The following GRID2 variants were observed in gnomAD, a reference collection of about 807,000 sequenced individuals.
The protein encoded by GRID2 is glutamate receptor ionotropic, delta-2.
GRID2 carries 33 observed loss-of-function variants against 114.8 expected under a neutral mutation model. The ratio of observed to expected loss-of-function variants is 0.29; its 90% CI spans 0.22 to 0.38. The LOEUF (loss-of-function observed/expected upper bound fraction) is 0.38. GRID2 is among the 10% of genes least tolerant of loss of function. The pLI is 1.00. For missense variants in GRID2, 1,184 were observed against 1,257.7 expected (o/e 0.94, Z 0.89); for synonymous variants, 505 against 449.9 (o/e 1.12, Z -1.55).
intron 4 of GRID2, among the ~76,000 whole-genome samples, chr4:93,189,757 A>C (rs575570713): frequency 9.9e-5 from 14 of 141,230 alleles, no homozygotes; most frequent in East Asian, 2.1e-4. Context: ...CTAAACAACA[A>C]CACCACCACA....
At chr4:93,223,061 TTG>T (rs1745075877) in intron 6 of GRID2, among the ~76,000 whole-genome samples, 1 of 152,156 alleles carries the variant, frequency 6.6e-6, no homozygotes, top group African/African-American at 2.4e-5. Context: ...GTGTATTATT[TTG>T]ATTTCCCTGG....
intron 8 of GRID2, among the ~76,000 whole-genome samples, chr4:93,354,776 A>G (rs994702921): frequency 7.3e-6 from 1 of 137,748 alleles, no homozygotes; most frequent in African/African-American, 2.9e-5. Flanking sequence ...TATATGTAAT[A>G]TTTATATATG....
At chr4:92,623,798 T>C (rs1162467390) in intron 2 of GRID2, among the ~76,000 whole-genome samples, 1 of 151,808 alleles carries the variant, frequency 6.6e-6, no homozygotes, top group African/African-American at 2.4e-5. Flanking sequence ...AGTTTTTACT[T>C]GAATGTATTA....
intron 11 of GRID2, among the ~76,000 whole-genome samples, chr4:93,474,938 C>T (rs1217090987): frequency 6.6e-6 from 1 of 152,056 alleles, no homozygotes; most frequent in Non-Finnish European, 1.5e-5. Flanking sequence ...ATTTTGTTTC[C>T]TGACCTTTGC....
chr4:92,364,982 C>T (rs1038104804), intron 1 of GRID2, among the ~76,000 whole-genome samples: 1 of 151,876 alleles, frequency 6.6e-6, no homozygotes, highest in African/African-American at 2.4e-5. Flanking sequence ...TAGTGGTTTC[C>T]CAGCAAAAAA....
intron 2 of GRID2, among the ~76,000 whole-genome samples, chr4:92,795,792 A>G (rs1044905375): frequency 6.6e-6 from 1 of 151,916 alleles, no homozygotes; most frequent in Non-Finnish European, 1.5e-5. Flanking sequence ...ATTGTCTGGA[A>G]CGGGTTCAAA....
intron 1 of GRID2, among the ~76,000 whole-genome samples, chr4:92,587,860 A>G (rs1257383012): frequency 6.6e-6 from 1 of 152,196 alleles, no homozygotes; most frequent in Non-Finnish European, 1.5e-5. Context: ...TGTATTACCA[A>G]TACAGCAGAA....
chr4:92,768,679 AAGG>A (rs1277586968), intron 2 of GRID2, among the ~76,000 whole-genome samples: 1 of 152,192 alleles, frequency 6.6e-6, no homozygotes, highest in Non-Finnish European at 1.5e-5. Context: ...GTTGGAAAGC[AAGG>A]AGGAGCAACT....
At chr4:92,825,115 T>G (rs1339478064) in intron 2 of GRID2, among the ~76,000 whole-genome samples, 3 of 152,172 alleles carry the variant, frequency 2.0e-5, no homozygotes, top group African/African-American at 7.2e-5. Context: ...TTAGATACTT[T>G]GCAAACAATC....
intron 9 of GRID2, among the ~76,000 whole-genome samples, chr4:93,406,169 T>C (rs1458819536): frequency 1.3e-5 from 2 of 152,132 alleles, no homozygotes; most frequent in Non-Finnish European, 2.9e-5. Flanking sequence ...CTGGCCTAAT[T>C]TCCTGCCACA....
intron 4 of GRID2, among the ~76,000 whole-genome samples, chr4:93,129,448 C>G (rs542937432): frequency 7.8e-4 from 119 of 152,198 alleles, no homozygotes; most frequent in African/African-American, 2.7e-3. Flanking sequence ...TTTCCCCTTT[C>G]CGCAAGGATT....
chr4:93,463,675 A>G (rs1387431502), intron 11 of GRID2, among the ~76,000 whole-genome samples: 1 of 152,186 alleles, frequency 6.6e-6, no homozygotes, highest in Non-Finnish European at 1.5e-5. Context: ...ATATTTTTAA[A>G]TCTAAATTTA....
intron 13 of GRID2, among the ~76,000 whole-genome samples, chr4:93,551,662 T>A (rs1029768248): frequency 6.6e-6 from 1 of 152,234 alleles, no homozygotes; most frequent in African/African-American, 2.4e-5. Flanking sequence ...CTAAAGCCTG[T>A]AACTCTTAAT....
chr4:93,663,422 A>G (rs1311623481), intron 14 of GRID2, among the ~76,000 whole-genome samples: 2 of 152,174 alleles, frequency 1.3e-5, no homozygotes, highest in Non-Finnish European at 2.9e-5. Context: ...AGCCACACCA[A>G]CGGTGCAAAC....
chr4:93,392,501 T>C (rs1186807879), intron 8 of GRID2, among the ~76,000 whole-genome samples: 2 of 152,160 alleles, frequency 1.3e-5, no homozygotes, highest in African/African-American at 4.8e-5. Context: ...TCATTGCTTA[T>C]TATTTTAAAA....
intron 13 of GRID2, among the ~76,000 whole-genome samples, chr4:93,582,629 A>G (rs1296980573): frequency 6.6e-6 from 1 of 152,182 alleles, no homozygotes; most frequent in Non-Finnish European, 1.5e-5. Flanking sequence ...AATAAATATA[A>G]TTTCTGACAC....
At position 93,506,852 on chromosome 4, in the gene GRID2, T is replaced by G. The variant is rs572302833; in HGVS notation, c.1998-8364T>G. On this transcript the variant is annotated intron_variant, in intron 12 of 15. Transcript: ENST00000282020. The stretch of plus-strand genomic sequence containing the variant: ...AGCTTGCTCTTCCAAAGGCTTCTGC[T>G]GTGTTGAGGAGGAAGAGACTCTGGC... 3.3e-5 allele frequency among the ~76,000 whole-genome samples: 5 copies of G among 152,266 alleles called. 1 individual carries two copies. The highest frequency in any genetic ancestry group is 1.2e-4 in the African/African-American group (5 of 41,570).
intron 1 of GRID2, among the ~76,000 whole-genome samples, chr4:92,395,638 T>G (rs2110269368): frequency 6.6e-6 from 1 of 151,918 alleles, no homozygotes. Context: ...GTTGGCACTA[T>G]CTATCTATGT....
At chr4:92,592,763 C>A (rs1728763317) in intron 2 of GRID2, among the ~76,000 whole-genome samples, 1 of 151,470 alleles carries the variant, frequency 6.6e-6, no homozygotes, top group East Asian at 1.9e-4. Context: ...AATTTGTTTC[C>A]CTATTCAATA....
Sources: allele counts gnomAD v4.1 joint callset (sites outside exome capture counted in the v4.1 genomes callset), GRCh38; gene constraint gnomAD v4.1.1; transcripts MANE v1.5; gene names NCBI Gene and HGNC (gene_info 2026-07-23, HGNC 2026-07-21).